Variants in ASPHD1 observed in about 807,000 individuals in gnomAD.
ASPHD1 encodes the protein aspartate beta-hydroxylase domain containing 1, also known as aspartate beta-hydroxylase domain-containing protein 1.
Under a neutral mutation model 28.3 loss-of-function variants are expected in ASPHD1, and 20 were observed. That is an observed-to-expected ratio of 0.71 (90% confidence interval 0.50 to 1.03). ASPHD1 has a LOEUF of 1.03. Among genes scored for constraint, ASPHD1 ranks in the 50% least tolerant of loss-of-function variants. The probability of loss-of-function intolerance (pLI) is 0.00; values close to 1 mark genes in which losing one functional copy is unlikely to be tolerated. For missense variants in ASPHD1, 479 were observed against 524.1 expected (o/e 0.91, Z 0.84); for synonymous variants, 240 against 221.2 (o/e 1.08, Z -0.75).
intron 1 of ASPHD1, among the ~76,000 whole-genome samples, chr16:29,903,664 A>C (rs1473149270): frequency 5.9e-5 from 9 of 151,892 alleles, no homozygotes; most frequent in Non-Finnish European, 1.3e-4. Flanking sequence ...CTGTGCTCTA[A>C]ATCATGAAAA....
exon 4 of ASPHD1, chr16:29,919,611 G>C (rs1352597439): frequency 6.6e-6 from 1 of 152,094 alleles, no homozygotes; most frequent in Non-Finnish European, 1.5e-5. Flanking sequence ...GGAACAACTG[G>C]AGAAACCGGA....
chr16:29,917,544 G>A (rs1284178462), intron 3 of ASPHD1, among the ~76,000 whole-genome samples: 1 of 152,084 alleles, frequency 6.6e-6, no homozygotes, highest in Non-Finnish European at 1.5e-5. Context: ...CACTTTGGGA[G>A]ACCAAGGCGG....
Position 29,901,219 on chromosome 16 carries a change from T to C in ASPHD1, c.248T>C (p.Leu83Pro). 1.9e-6 allele frequency: 3 copies of C among 1,613,808 alleles called. No homozygotes were observed. The highest frequency in any genetic ancestry group is 2.5e-6 in the Non-Finnish European group (3 of 1,179,920). ...LPLASSALTL[L>P]FGALTSLFLW... ...CTGGCCTCCTCGGCCCTCACCTTGC[T>C]CTTCGGGGCCCTCACTTCCCTGTTC... The change falls in exon 1 of 3, where the codon CTC becomes CCC. Residue 83 changes from leucine to proline, a missense_variant. By Grantham distance (98) the Leu-to-Pro change is moderately conservative. Transcript: ENST00000308748. The surrounding 1 kb of genome is among the most constrained non-coding windows in gnomAD (Gnocchi z 5.1).
At position 29,902,881 on chromosome 16, in the gene ASPHD1, TTC is replaced by T. The variant is rs144218055; in HGVS notation, c.949+963_949+964del. Among the ~76,000 whole-genome samples the T allele has an allele frequency of 1.8e-3, 212 of 118,414 alleles. 2 individuals carry two copies. Among genetic ancestry groups the T allele is most frequent in the Non-Finnish European group, 3.4e-3 (184 of 54,130 alleles). The allele number at this position is 118,414 out of a possible 152,430, so 77.7% of individuals were successfully genotyped here. On this transcript the variant is annotated intron_variant, in intron 1 of 2. Transcript: ENST00000308748. Reference sequence around the variant, plus strand: ...TACAGTAGCACCAAACTGAGATTTTTTCTTTTTCTTTTTTTTTTTTTTTTGAG... The same window carrying T: ...TACAGTAGCACCAAACTGAGATTTTTTTTTTCTTTTTTTTTTTTTTTTGAG...
Position 29,901,160 on chromosome 16 carries a change from G to A in ASPHD1, c.189G>A (p.Arg63=). ...AGGACGCCCCAGGCCTCTTGGCCAGGGCCTCCCTGATCATGCTCCCGTGGC... is the reference window on the plus strand; with the variant it reads ...AGGACGCCCCAGGCCTCTTGGCCAGAGCCTCCCTGATCATGCTCCCGTGGC... ...GPEDAPGLLA[R]ASLIMLPWPL... Residue 63 remains arginine, a synonymous_variant, in exon 1 of 3, where the codon AGG becomes AGA. Coordinates refer to ENST00000308748, the MANE Select transcript of ASPHD1 (RefSeq NM_181718.4). This position sits in a 1 kb window ranked among gnomAD's most constrained non-coding sequence, Gnocchi z 5.1. The A allele has an allele frequency of 6.2e-7, 1 of 1,612,030 alleles. No homozygotes were observed. The highest frequency in any genetic ancestry group is 1.7e-5 in the Admixed American group (1 of 59,748).
rs1171788640 is a variant in ASPHD1 at position 29,901,361 on chromosome 16, A to T, written c.390A>T (p.Pro130=). The change falls in exon 1 of 3, where the codon CCA becomes CCT. Residue 130 remains proline (P), a synonymous_variant. Transcript: ENST00000308748. The surrounding 1 kb of genome is among the most constrained non-coding windows in gnomAD (Gnocchi z 5.1). ...VGCSEAGGPS[P]GGPGDPGEGP... ...GCTCGGAGGCCGGCGGGCCAAGCCC[A>T]GGGGGTCCTGGGGATCCCGGGGAAG... 1 of 1,596,936 alleles carries T rather than the reference A, an allele frequency of 6.3e-7. No homozygotes were observed. Among genetic ancestry groups the T allele is most frequent in the Non-Finnish European group, 8.5e-7 (1 of 1,172,842 alleles).
intron 3 of ASPHD1, chr16:29,911,576 G>GCTA: frequency 1.7e-6 from 1 of 594,936 alleles, no homozygotes; most frequent in East Asian, 2.8e-5. Flanking sequence ...AGAGCACTTG[G>GCTA]GATAGGCTCG....
At chr16:29,911,745 C>T (rs1410564977) in intron 3 of ASPHD1, 10 of 1,562,154 alleles carry the variant, frequency 6.4e-6, no homozygotes, top group African/African-American at 4.1e-5. Context: ...CCGTGGCCCT[C>T]GCCTTGGGCA....
chr16:29,901,133 G>A lies in ASPHD1; in HGVS notation c.162G>A (p.Pro54=). Residue 54 remains proline (P), a synonymous_variant, in exon 1 of 3, where the codon CCG becomes CCA. Transcript: ENST00000308748. The surrounding 1 kb of genome is among the most constrained non-coding windows in gnomAD (Gnocchi z 5.1). ...GELGGQGNWG[P]EDAPGLLARA... ...TGGGGGGACAGGGGAACTGGGGTCC[G>A]GAGGACGCCCCAGGCCTCTTGGCCA... The A allele has an allele frequency of 1.9e-6, 3 of 1,609,440 alleles. No homozygotes were observed. Among genetic ancestry groups the A allele is most frequent in the East Asian group, 2.2e-5 (1 of 44,828 alleles).
chr16:29,906,960 C>T (rs375929724), downstream of ASPHD1: 37 of 1,614,044 alleles, frequency 2.3e-5, no homozygotes, highest in Non-Finnish European at 3.1e-5. Flanking sequence ...ACGGTGCTCT[C>T]GGTTCTCTTC....
At chr16:29,914,205 CA>C (rs2068767970) in intron 3 of ASPHD1, 1 of 152,142 alleles carries the variant, frequency 6.6e-6, no homozygotes, top group African/African-American at 2.4e-5. Context: ...GAACGAGCAC[CA>C]GGGGACGAGA....
At chr16:29,911,687 G>A in intron 3 of ASPHD1, 2 of 965,192 alleles carry the variant, frequency 2.1e-6, no homozygotes, top group Non-Finnish European at 3.1e-6. Context: ...AAGAGGCGAA[G>A]CCGAATCTGC....
chr16:29,902,743 C>T (rs541633397), intron 1 of ASPHD1, among the ~76,000 whole-genome samples: 3 of 152,032 alleles, frequency 2.0e-5, no homozygotes, highest in Non-Finnish European at 4.4e-5. Flanking sequence ...TCTCCATCTC[C>T]TGACCTCGTG....
intron 3 of ASPHD1, among the ~76,000 whole-genome samples, chr16:29,917,556 C>T (rs565216122): frequency 4.6e-5 from 7 of 152,012 alleles, no homozygotes; most frequent in Non-Finnish European, 1.0e-4. Context: ...CCAAGGCGGG[C>T]GGATCACGAG....
intron 1 of ASPHD1, among the ~76,000 whole-genome samples, chr16:29,903,321 A>G (rs1478828700): frequency 6.6e-6 from 1 of 151,840 alleles, no homozygotes; most frequent in African/African-American, 2.4e-5. Flanking sequence ...ACAACATTGC[A>G]CTCCAGCCTG....
chr16:29,916,621 T>G (rs972179367), intron 3 of ASPHD1, among the ~76,000 whole-genome samples: 5 of 151,850 alleles, frequency 3.3e-5, no homozygotes, highest in African/African-American at 1.2e-4. Context: ...CTCAGCATTT[T>G]GGGAGGCCAA....
At chr16:29,903,323 T>A (rs374889538) in intron 1 of ASPHD1, among the ~76,000 whole-genome samples, 2 of 151,732 alleles carry the variant, frequency 1.3e-5, no homozygotes, top group Non-Finnish European at 2.9e-5. Flanking sequence ...AACATTGCAC[T>A]CCAGCCTGGG....
At chr16:29,911,619 T>TA (rs2068710976) in intron 3 of ASPHD1, 2 of 613,708 alleles carry the variant, frequency 3.3e-6, no homozygotes, top group African/African-American at 3.7e-5. Flanking sequence ...CAAACCCATT[T>TA]ACTGATGACT....
Position 29,901,036 on chromosome 16 carries a change from AGAGT to A in ASPHD1, c.67_70del (p.Ser23GlufsTer43), listed in dbSNP as rs1389247232. 1 of 1,588,332 alleles carries A rather than the reference AGAGT, an allele frequency of 6.3e-7. No individual in the cohort carries two copies. Among genetic ancestry groups the A allele is most frequent in the Non-Finnish European group, 8.6e-7 (1 of 1,166,734 alleles). ...CCGCGGAAGGAGAGAGAGACAGCCC[AGAGT>A]GGAATGTGGAAGGGAAACAGTCCAG... On this transcript the variant is annotated frameshift_variant, in exon 1 of 3. Transcript: ENST00000308748. LOFTEE classifies it high-confidence loss of function. The surrounding 1 kb of genome is among the most constrained non-coding windows in gnomAD (Gnocchi z 5.1).
Sources: gnomAD v4.1 joint callset for allele counts (sites outside exome capture counted in the v4.1 genomes callset) on GRCh38, gnomAD v4.1.1 for gene constraint, Gnocchi (gnomAD v3.1) non-coding constraint, MANE v1.5 for transcripts, NCBI Gene and HGNC (gene_info 2026-07-23, HGNC 2026-07-21) for gene names.